Variants in CACNA2D3 observed in about 807,000 individuals in gnomAD.
CACNA2D3 encodes calcium voltage-gated channel auxiliary subunit alpha2delta 3.
A neutral mutation model predicts 160.6 loss-of-function variants in CACNA2D3; 60 were observed. The observed-to-expected ratio is 0.37, with a 90% CI of 0.30 to 0.46. The LOEUF (loss-of-function observed/expected upper bound fraction) is 0.46, where lower values mean the gene tolerates loss of function less well. Among genes scored for constraint, CACNA2D3 ranks in the 20% least tolerant of loss-of-function variants. The pLI is 1.00. For missense variants in CACNA2D3, 1,205 were observed against 1,365.0 expected, an observed-to-expected ratio of 0.88 and a Z score of 1.85; for synonymous variants, 558 against 492.9, an observed-to-expected ratio of 1.13 and a Z score of -1.75.
intron 4 of CACNA2D3, among the ~76,000 whole-genome samples, chr3:54,408,283 C>T (rs1174051289): frequency 6.6e-6 from 1 of 152,038 alleles, no homozygotes; most frequent in Non-Finnish European, 1.5e-5. Context: ...CTTCTAAGAG[C>T]TCCACTCAAT....
At chr3:54,985,600 T>C (rs568429418) in intron 30 of CACNA2D3, among the ~76,000 whole-genome samples, 48 of 152,360 alleles carry the variant, frequency 3.2e-4, no homozygotes, top group Non-Finnish European at 6.0e-4. Flanking sequence ...TGGTTGACGA[T>C]ATAAGGTTTC....
chr3:54,402,667 A>G (rs1043961814), intron 4 of CACNA2D3, among the ~76,000 whole-genome samples: 18 of 152,320 alleles, frequency 1.2e-4, no homozygotes, highest in East Asian at 7.7e-4. Context: ...AATAGACAGC[A>G]ATACAATAAT....
At chr3:54,721,762 C>CAAAAAA (rs34393649) in intron 11 of CACNA2D3, among the ~76,000 whole-genome samples, 1 of 106,298 alleles carries the variant, frequency 9.4e-6, no homozygotes. Flanking sequence ...AACTCCATCT[C>CAAAAAA]AAAAAAAAAA....
At chr3:54,622,833 C>T (rs1335823262) in intron 9 of CACNA2D3, among the ~76,000 whole-genome samples, 1 of 152,172 alleles carries the variant, frequency 6.6e-6, no homozygotes, top group African/African-American at 2.4e-5. Context: ...CACAAATCCT[C>T]CGTGCCATGG....
intron 32 of CACNA2D3, among the ~76,000 whole-genome samples, chr3:55,005,554 C>G (rs908429634): frequency 6.6e-6 from 1 of 152,170 alleles, no homozygotes; most frequent in Admixed American, 6.5e-5. Flanking sequence ...TATTCCCTCT[C>G]CCCTAATCAT....
chr3:54,667,154 T>TG (rs779908826), intron 11 of CACNA2D3, among the ~76,000 whole-genome samples: 1 of 152,206 alleles, frequency 6.6e-6, no homozygotes, highest in Non-Finnish European at 1.5e-5. Flanking sequence ...AACTGGTACA[T>TG]GAACACTGTT....
At chr3:54,791,272 T>C (rs1702752849) in intron 13 of CACNA2D3, among the ~76,000 whole-genome samples, 1 of 152,190 alleles carries the variant, frequency 6.6e-6, no homozygotes, top group African/African-American at 2.4e-5. Context: ...CATTTATTAT[T>C]ATTTCTCAAT....
At chr3:54,797,152 A>C (rs1702880881) in intron 13 of CACNA2D3, among the ~76,000 whole-genome samples, 1 of 152,224 alleles carries the variant, frequency 6.6e-6, no homozygotes. Context: ...GTAAATTTAC[A>C]CTGGAACAAG....
intron 4 of CACNA2D3, among the ~76,000 whole-genome samples, chr3:54,473,443 T>C (rs1329424441): frequency 1.3e-5 from 2 of 152,096 alleles, no homozygotes; most frequent in Non-Finnish European, 2.9e-5. Context: ...GAAGAAAACC[T>C]AGGCAATACC....
At chr3:54,601,419 GCTGGTC>G (rs1703059048) in intron 9 of CACNA2D3, among the ~76,000 whole-genome samples, 1 of 152,118 alleles carries the variant, frequency 6.6e-6, no homozygotes, top group Admixed American at 6.5e-5. Context: ...TGTTGCCCAA[GCTGGTC>G]TGTAACTCCT....
At chr3:54,414,818 T>C (rs1019023116) in intron 4 of CACNA2D3, among the ~76,000 whole-genome samples, 24 of 141,810 alleles carry the variant, frequency 1.7e-4, no homozygotes, top group Non-Finnish European at 2.9e-4. Context: ...TTTTTTTTTT[T>C]CCAACTGGGC....
chr3:54,450,372 T>C (rs1251767546), intron 4 of CACNA2D3, among the ~76,000 whole-genome samples: 1 of 152,160 alleles, frequency 6.6e-6, no homozygotes, highest in African/African-American at 2.4e-5. Context: ...CCAACATCTC[T>C]TCACATCTTA....
chr3:54,697,922 A>C (rs1316689328), intron 11 of CACNA2D3, among the ~76,000 whole-genome samples: 1 of 152,118 alleles, frequency 6.6e-6, no homozygotes, highest in Admixed American at 6.5e-5. Flanking sequence ...GGGCATGGTA[A>C]TCTTCACTGT....
intron 35 of CACNA2D3, among the ~76,000 whole-genome samples, chr3:55,023,557 T>C (rs989446812): frequency 7.9e-5 from 12 of 152,180 alleles, no homozygotes; most frequent in Admixed American, 3.3e-4. Flanking sequence ...TTTTTTCTTC[T>C]ATCTGTGTTT....
At chr3:54,754,053 G>A (rs537604176) in intron 12 of CACNA2D3, among the ~76,000 whole-genome samples, 5 of 152,160 alleles carry the variant, frequency 3.3e-5, no homozygotes, top group Admixed American at 2.6e-4. Flanking sequence ...TAAGTGCCTC[G>A]TTCAATACTA....
At chr3:54,288,344 A>C (rs1290059996) in intron 2 of CACNA2D3, among the ~76,000 whole-genome samples, 1 of 152,228 alleles carries the variant, frequency 6.6e-6, no homozygotes, top group African/African-American at 2.4e-5. Flanking sequence ...AAATTCCTCG[A>C]CACATACACC....
chr3:54,617,723 G>A (rs1217546773), intron 9 of CACNA2D3, among the ~76,000 whole-genome samples: 2 of 152,148 alleles, frequency 1.3e-5, no homozygotes, highest in Admixed American at 1.3e-4. Flanking sequence ...CTTGCCAGTG[G>A]GCAGGCTGAG....
At chr3:55,005,658 C>G (rs1009830651) in intron 32 of CACNA2D3, among the ~76,000 whole-genome samples, 2 of 152,176 alleles carry the variant, frequency 1.3e-5, no homozygotes, top group Admixed American at 6.5e-5. Context: ...CCATTAGAAA[C>G]TGGCTTTCAG....
chr3:54,630,982 A>T (rs1217051633), intron 10 of CACNA2D3, among the ~76,000 whole-genome samples: 2 of 152,144 alleles, frequency 1.3e-5, no homozygotes, highest in African/African-American at 4.8e-5. Flanking sequence ...TGGGCGGATC[A>T]CCAGAGGTCC....
Sources: gnomAD v4.1 joint callset for allele counts (sites outside exome capture counted in the v4.1 genomes callset) on GRCh38, gnomAD v4.1.1 for gene constraint, MANE v1.5 for transcripts, NCBI Gene and HGNC (gene_info 2026-07-23, HGNC 2026-07-21) for gene names.